PPM1L: variants seen among roughly 807,000 people sequenced by gnomAD.
PPM1L encodes protein phosphatase 1L.
A neutral mutation model predicts 31.4 loss-of-function variants in PPM1L; 13 were observed. The ratio of observed to expected loss-of-function variants is 0.41; its 90% CI spans 0.27 to 0.66. PPM1L has a LOEUF of 0.66. Ranked by LOEUF, PPM1L falls within the 30% of genes least tolerant of loss-of-function variation. PPM1L has a pLI of 0.29. For synonymous variants in PPM1L, 184 were observed against 175.4 expected, an observed-to-expected ratio of 1.05 and a Z score of -0.39; for missense variants, 326 against 453.7, an observed-to-expected ratio of 0.72 and a Z score of 2.56.
intron 1 of PPM1L, among the ~76,000 whole-genome samples, chr3:160,873,609 G>T (rs1712396506): frequency 6.6e-6 from 1 of 152,022 alleles, no homozygotes; most frequent in Non-Finnish European, 1.5e-5. Context: ...GTGCAGTGGT[G>T]CAGTCTTGGC....
At chr3:160,829,206 T>C (rs886247765) in intron 1 of PPM1L, among the ~76,000 whole-genome samples, 2 of 151,598 alleles carry the variant, frequency 1.3e-5, no homozygotes, top group Non-Finnish European at 2.9e-5. Flanking sequence ...CTCCTCCTTG[T>C]TTTTGTTTAG....
intron 1 of PPM1L, among the ~76,000 whole-genome samples, chr3:160,876,340 C>G (rs1415404109): frequency 6.6e-6 from 1 of 152,184 alleles, no homozygotes; most frequent in African/African-American, 2.4e-5. Flanking sequence ...CTCTCCCTGC[C>G]ACACTTGTTA....
chr3:160,961,704 G>A (rs201464270), intron 1 of PPM1L, 32 bp from the exon 2 acceptor site: 1 of 1,547,360 alleles, frequency 6.5e-7, no homozygotes, highest in East Asian at 2.4e-5. Flanking sequence ...ATTTCTAATG[G>A]AGTTCTCTCT....
intron 2 of PPM1L, among the ~76,000 whole-genome samples, chr3:161,002,604 T>C (rs977451339): frequency 2.0e-5 from 3 of 148,756 alleles, no homozygotes; most frequent in African/African-American, 5.1e-5. Context: ...GTGAGCATTT[T>C]TTCATGTGTT....
At chr3:161,042,722 A>G (rs184307757) in intron 2 of PPM1L, among the ~76,000 whole-genome samples, 4 of 152,324 alleles carry the variant, frequency 2.6e-5, no homozygotes, top group Admixed American at 1.3e-4. Flanking sequence ...ATATTTAAAA[A>G]CATTGTGGGT....
intron 1 of PPM1L, among the ~76,000 whole-genome samples, chr3:160,774,985 G>A (rs994399976): frequency 6.6e-6 from 1 of 152,182 alleles, no homozygotes; most frequent in Non-Finnish European, 1.5e-5. Flanking sequence ...GGGATACCAA[G>A]CTGTCTGATT....
chr3:160,894,103 A>G (rs547974333), intron 1 of PPM1L, among the ~76,000 whole-genome samples: 2 of 152,278 alleles, frequency 1.3e-5, no homozygotes, highest in South Asian at 4.1e-4. Context: ...TCAATGTATG[A>G]TGGGTTTATC....
At chr3:161,038,963 G>A (rs1401671723) in intron 2 of PPM1L, among the ~76,000 whole-genome samples, 1 of 152,112 alleles carries the variant, frequency 6.6e-6, no homozygotes, top group African/African-American at 2.4e-5. Context: ...AAATGGTGAC[G>A]AGAATGACCT....
At chr3:160,972,177 G>GA (rs1271174524) in intron 2 of PPM1L, among the ~76,000 whole-genome samples, 1 of 151,858 alleles carries the variant, frequency 6.6e-6, no homozygotes, top group Non-Finnish European at 1.5e-5. Context: ...CTCCAATGTA[G>GA]AAAAAATGAT....
intron 1 of PPM1L, among the ~76,000 whole-genome samples, chr3:160,945,604 T>G (rs1417534145): frequency 6.6e-6 from 1 of 152,182 alleles, no homozygotes; most frequent in Non-Finnish European, 1.5e-5. Context: ...ATGGTTGCCT[T>G]TATTTCTTTG....
At chr3:160,884,245 CAGTT>C (rs1356641218) in intron 1 of PPM1L, among the ~76,000 whole-genome samples, 2 of 152,060 alleles carry the variant, frequency 1.3e-5, no homozygotes, top group East Asian at 1.9e-4. Context: ...AGGGAGAAGC[CAGTT>C]AGTTGTGGAC....
chr3:160,823,762 A>T (rs538388438), intron 1 of PPM1L, among the ~76,000 whole-genome samples: 1 of 152,264 alleles, frequency 6.6e-6, no homozygotes, highest in African/African-American at 2.4e-5. Flanking sequence ...CCATTTATGG[A>T]TGATGAAAGT....
intron 2 of PPM1L, among the ~76,000 whole-genome samples, chr3:161,005,604 G>A (rs986459228): frequency 6.6e-6 from 1 of 152,014 alleles, no homozygotes; most frequent in Non-Finnish European, 1.5e-5. Context: ...ACATGATCTC[G>A]GGCATGTTAT....
chr3:160,814,518 TACACACAC>T (rs1330029237), intron 1 of PPM1L, among the ~76,000 whole-genome samples: 7 of 78,562 alleles, frequency 8.9e-5, no homozygotes, highest in African/African-American at 4.3e-4. Flanking sequence ...TGTATATATA[TACACACAC>T]ATATGTATGT....
chr3:160,807,777 T>G (rs1712646357), intron 1 of PPM1L, among the ~76,000 whole-genome samples: 1 of 150,702 alleles, frequency 6.6e-6, no homozygotes, highest in South Asian at 2.1e-4. Context: ...TGGAGAATAA[T>G]AGATTGAGGT....
chr3:161,068,776 C>A, intron 3 of PPM1L, 35 bp from the exon 4 acceptor site: 1 of 1,542,888 alleles, frequency 6.5e-7, no homozygotes, highest in Non-Finnish European at 8.8e-7. Flanking sequence ...GAGATATCAG[C>A]TGGTCAAACT....
At chr3:160,958,194 G>A (rs1715843284) in intron 1 of PPM1L, among the ~76,000 whole-genome samples, 1 of 151,948 alleles carries the variant, frequency 6.6e-6, no homozygotes, top group African/African-American at 2.4e-5. Context: ...TGCTTTTTTT[G>A]CAATTGCTTT....
chr3:160,817,731 T>C (rs1713039524), intron 1 of PPM1L, among the ~76,000 whole-genome samples: 1 of 152,072 alleles, frequency 6.6e-6, no homozygotes. Flanking sequence ...ATGCTTTAGT[T>C]GCTGAGAGAG....
At chr3:160,842,432 T>C (rs991217627) in intron 1 of PPM1L, 1 of 639,628 alleles carries the variant, frequency 1.6e-6, no homozygotes, top group East Asian at 2.7e-5. Context: ...CTTTATTCTG[T>C]AGAAAATGGA....
Sources: gnomAD v4.1 joint callset for allele counts (sites outside exome capture counted in the v4.1 genomes callset) on GRCh38, gnomAD v4.1.1 for gene constraint, MANE v1.5 for transcripts, NCBI Gene and HGNC (gene_info 2026-07-23, HGNC 2026-07-21) for gene names.